WWOX: variants seen among roughly 807,000 people sequenced by gnomAD.
WWOX encodes the protein WW domain containing oxidoreductase.
WWOX carries 69 observed loss-of-function variants against 46.2 expected under a neutral mutation model. The ratio of observed to expected loss-of-function variants is 1.49; its 90% CI spans 1.23 to 1.82. The LOEUF is 1.82. WWOX is among the 40% of genes most tolerant of loss of function. The probability of loss-of-function intolerance (pLI) is 0.00; values close to 1 mark genes in which losing one functional copy is unlikely to be tolerated. For synonymous variants in WWOX, 359 were observed against 202.6 expected (o/e 1.77, Z -6.56); for missense variants, 919 against 542.6 (o/e 1.69, Z -6.89).
chr16:78,891,135 A>G (rs555866539), intron 8 of WWOX: 1 of 152,308 alleles, frequency 6.6e-6, no homozygotes, highest in South Asian at 2.1e-4. Flanking sequence ...GAAATTGTTT[A>G]AATCTTCCTT....
chr16:78,154,903 A>G (rs12716853), intron 4 of WWOX, among the ~76,000 whole-genome samples: 86,291 of 151,894 alleles, frequency 0.57, 24,709 homozygotes, highest in African/African-American at 0.65. Flanking sequence ...ATGTTTCCTG[A>G]ATAATGTGCA....
chr16:79,059,917 T>C (rs1356414302), intron 8 of WWOX, among the ~76,000 whole-genome samples: 1 of 152,246 alleles, frequency 6.6e-6, no homozygotes, highest in Non-Finnish European at 1.5e-5. Context: ...ATTCTTTTTT[T>C]CCTCCAGAAA....
chr16:78,502,863 C>T (rs1429962574), intron 8 of WWOX, among the ~76,000 whole-genome samples: 1 of 152,084 alleles, frequency 6.6e-6, no homozygotes, highest in Non-Finnish European at 1.5e-5. Context: ...TGGCTGAGCT[C>T]CTCCTTAGGT....
intron 8 of WWOX, among the ~76,000 whole-genome samples, chr16:78,746,859 C>T (rs796840723): frequency 4.1e-4 from 63 of 152,144 alleles, no homozygotes; most frequent in African/African-American, 1.5e-3. Context: ...TCTTGTGAAC[C>T]CTTGAAATTT....
chr16:78,907,965 T>A (rs765728570), intron 8 of WWOX, among the ~76,000 whole-genome samples: 37 of 152,168 alleles, frequency 2.4e-4, no homozygotes, highest in Non-Finnish European at 5.1e-4. Flanking sequence ...CTGGGATCAG[T>A]GCACAGCTTT....
At chr16:78,542,910 A>G (rs758106494) in intron 8 of WWOX, among the ~76,000 whole-genome samples, 6 of 152,214 alleles carry the variant, frequency 3.9e-5, no homozygotes, top group East Asian at 1.9e-4. Flanking sequence ...GTTAGCCCCA[A>G]TGTCTTTCTG....
At chr16:78,633,395 C>T (rs913371522) in intron 8 of WWOX, among the ~76,000 whole-genome samples, 1 of 152,148 alleles carries the variant, frequency 6.6e-6, no homozygotes, top group African/African-American at 2.4e-5. Context: ...TTTTCATTCA[C>T]CCCTCCCTCT....
chr16:78,469,698 A>G (rs3115955), intron 8 of WWOX, among the ~76,000 whole-genome samples: 59,090 of 152,048 alleles, frequency 0.39, 14,252 homozygotes, highest in African/African-American at 0.69. Flanking sequence ...ACCATGGACA[A>G]CCAGGCTGGG....
At chr16:78,590,074 C>G (rs146311671) in intron 8 of WWOX, among the ~76,000 whole-genome samples, 3 of 151,910 alleles carry the variant, frequency 2.0e-5, no homozygotes, top group African/African-American at 7.2e-5. Context: ...GCTATGATGC[C>G]TATCCTTAAG....
intron 8 of WWOX, among the ~76,000 whole-genome samples, chr16:79,162,954 C>T (rs1039700211): frequency 6.6e-6 from 1 of 152,162 alleles, no homozygotes; most frequent in Non-Finnish European, 1.5e-5. Flanking sequence ...AATGTTGTCC[C>T]CCAGAAAAAG....
At chr16:78,978,666 C>G (rs892525192) in intron 8 of WWOX, among the ~76,000 whole-genome samples, 22 of 152,302 alleles carry the variant, frequency 1.4e-4, no homozygotes, top group African/African-American at 3.8e-4. Context: ...AAAGGGGAAG[C>G]AGGCACATCT....
intron 5 of WWOX, among the ~76,000 whole-genome samples, chr16:78,359,909 T>G (rs768453923): frequency 2.0e-4 from 31 of 152,366 alleles, no homozygotes; most frequent in Non-Finnish European, 3.5e-4. Flanking sequence ...CTTGGAAGAT[T>G]GTTAGTTTTC....
chr16:79,049,435 G>C (rs373246488), intron 8 of WWOX, among the ~76,000 whole-genome samples: 2 of 152,188 alleles, frequency 1.3e-5, no homozygotes, highest in Non-Finnish European at 2.9e-5. Context: ...GAGGGGCATC[G>C]ATATTCTGGT....
intron 5 of WWOX, among the ~76,000 whole-genome samples, chr16:78,266,422 T>C (rs2079363958): frequency 3.3e-5 from 5 of 152,202 alleles, no homozygotes; most frequent in Non-Finnish European, 7.3e-5. Context: ...ATATGGCCCA[T>C]AAAGCCTAAA....
chr16:78,616,826 C>A (rs929396241), intron 8 of WWOX, among the ~76,000 whole-genome samples: 1 of 152,116 alleles, frequency 6.6e-6, no homozygotes, highest in Admixed American at 6.5e-5. Flanking sequence ...AGCCTTCACT[C>A]TAATGACATA....
intron 8 of WWOX, among the ~76,000 whole-genome samples, chr16:78,757,978 G>A (rs1485716318): frequency 2.0e-5 from 3 of 151,964 alleles, no homozygotes; most frequent in Non-Finnish European, 4.4e-5. Context: ...CCACAACACT[G>A]ACCTTCTATC....
At chr16:78,654,225 C>A (rs1044911481) in intron 8 of WWOX, among the ~76,000 whole-genome samples, 13 of 152,090 alleles carry the variant, frequency 8.5e-5, no homozygotes, top group African/African-American at 3.1e-4. Flanking sequence ...AGCTCACAGC[C>A]CTGAAAACCC....
At chr16:78,111,740 C>G (rs57171174) in intron 3 of WWOX, 2 of 156,256 alleles carry the variant, frequency 1.3e-5, no homozygotes, top group South Asian at 3.5e-4. Context: ...TCCCGTACTC[C>G]TGGTTCCTCT....
chr16:79,119,881 C>T lies in WWOX; in HGVS notation c.1057-91727C>T, dbSNP rs114009836. Among the ~76,000 whole-genome samples, 676 of 152,254 alleles carry T rather than the reference C, an allele frequency of 4.4e-3. 7 individuals are homozygous for T. The highest frequency in any genetic ancestry group is 0.015 in the African/African-American group (624 of 41,542). On this transcript the variant is annotated intron_variant, in intron 8 of 8. Coordinates refer to ENST00000566780, the MANE Select transcript of WWOX (RefSeq NM_016373.4). ...TAGGGTTTTATTAGGGGTTTACCTA[C>T]AAAGGAGAGAGTTTAGTGGCAGTGG...
Sources: allele counts gnomAD v4.1 joint callset (sites outside exome capture counted in the v4.1 genomes callset), GRCh38; gene constraint gnomAD v4.1.1; transcripts MANE v1.5; gene names NCBI Gene and HGNC (gene_info 2026-07-23, HGNC 2026-07-21).